ORC5: variants seen among roughly 807,000 people sequenced by gnomAD.
The protein encoded by ORC5 is protein phosphatase 1, regulatory subunit 117.
A neutral mutation model predicts 58.8 loss-of-function variants in ORC5; 39 were observed. The observed-to-expected ratio is 0.66, with a 90% CI of 0.51 to 0.87. ORC5 has a LOEUF of 0.87. Ranked by LOEUF, ORC5 falls within the 40% of genes least tolerant of loss-of-function variation. The pLI is 0.00. For synonymous variants in ORC5, 218 were observed against 177.6 expected (o/e 1.23, Z -1.81); for missense variants, 493 against 506.3 (o/e 0.97, Z 0.25).
chr7:104,136,783 TGCAATA>T lies in ORC5; in HGVS notation c.1254_1259del (p.Ile419_Ala420del), dbSNP rs1798595163. ...TTACATAATTCAAGACATTTTACCT[TGCAATA>T]GCTCTGATGAAGTCTAGAGACACTG... On this transcript the variant is annotated inframe_deletion, in exon 13 of 14. Transcript: ENST00000297431. The surrounding 1 kb of genome is among the most constrained non-coding windows in gnomAD (Gnocchi z 4.2). The T allele has an allele frequency of 6.3e-7, 1 of 1,597,352 alleles. No individual in the cohort carries two copies.
intron 12 of ORC5, among the ~76,000 whole-genome samples, chr7:104,141,004 G>T (rs924675977): frequency 1.3e-5 from 2 of 152,156 alleles, no homozygotes; most frequent in African/African-American, 4.8e-5. Context: ...GTAATGCCCA[G>T]ATGGTGCCAG....
chr7:104,138,651 T>C lies in ORC5; in HGVS notation c.1150-1758A>G, dbSNP rs1319305190. Among the ~76,000 whole-genome samples, 3 of 152,042 alleles carry C rather than the reference T, an allele frequency of 2.0e-5. No homozygotes were observed. The highest frequency in any genetic ancestry group is 1.9e-4 in the East Asian group (1 of 5,178). ...GCAGCCTCCTGAGTAGCTGGTACTA[T>C]AGGCACATGCCACCACACCCAGCTA... On this transcript the variant is annotated intron_variant, in intron 12 of 13. Coordinates refer to ENST00000297431, the MANE Select transcript of ORC5 (RefSeq NM_002553.4). This position sits in a 1 kb window ranked among gnomAD's most constrained non-coding sequence, Gnocchi z 4.7.
At chr7:104,167,428 T>G (rs567811744) in intron 9 of ORC5, among the ~76,000 whole-genome samples, 2 of 152,184 alleles carry the variant, frequency 1.3e-5, no homozygotes, top group African/African-American at 4.8e-5. Context: ...TCAGAAAATT[T>G]TGGAGCATTT....
intron 12 of ORC5, among the ~76,000 whole-genome samples, chr7:104,153,547 A>G (rs979078618): frequency 6.6e-6 from 1 of 152,176 alleles, no homozygotes; most frequent in Non-Finnish European, 1.5e-5. Context: ...CATTCAAGCT[A>G]TTTTCTATGA....
At chr7:104,158,981 A>G (rs1798977225) in intron 12 of ORC5, among the ~76,000 whole-genome samples, 1 of 110,100 alleles carries the variant, frequency 9.1e-6, no homozygotes, top group Non-Finnish European at 2.2e-5. Context: ...TCCTGGGTAT[A>G]TACCCAAAGG....
intron 13 of ORC5, among the ~76,000 whole-genome samples, chr7:104,132,794 A>G (rs1798532994): frequency 6.6e-6 from 1 of 152,178 alleles, no homozygotes; most frequent in African/African-American, 2.4e-5. Context: ...ACATATAATG[A>G]AGAACAAAAT....
intron 5 of ORC5, among the ~76,000 whole-genome samples, chr7:104,193,315 G>A (rs1799718531): frequency 6.6e-6 from 1 of 152,032 alleles, no homozygotes. Flanking sequence ...CAGTACAAAT[G>A]TTCTTAGGTA....
chr7:104,189,554 CATGACCA>C (rs1161422869), intron 5 of ORC5, among the ~76,000 whole-genome samples: 1 of 152,098 alleles, frequency 6.6e-6, no homozygotes, highest in Non-Finnish European at 1.5e-5. Flanking sequence ...AGACTGAATC[CATGACCA>C]ATGACCAATG....
intron 6 of ORC5, among the ~76,000 whole-genome samples, chr7:104,185,355 A>T (rs1382814706): frequency 6.6e-6 from 1 of 152,116 alleles, no homozygotes; most frequent in East Asian, 1.9e-4. Context: ...GCAGGGTAAA[A>T]ATGTGAACTT....
chr7:104,126,698 T>C lies in ORC5; in HGVS notation c.*150A>G. 1 of 590,614 alleles carries C rather than the reference T, an allele frequency of 1.7e-6. No homozygotes were observed. The highest frequency in any genetic ancestry group is 3.0e-6 in the Non-Finnish European group (1 of 333,730). The allele number at this position is 590,614 out of a possible 1,614,324, so 36.6% of individuals were successfully genotyped here. On this transcript the variant is annotated 3_prime_UTR_variant, in exon 14 of 14. Transcript: ENST00000297431. ...TCACATCCACCCAGACCAATCAGAA[T>C]ATTTTCATCAGATTCCATGCTGGGC...
chr7:104,168,260 T>C lies in ORC5; in HGVS notation c.877+213A>G, dbSNP rs188964481. 8.6e-5 allele frequency: 97 copies of C among 1,125,702 alleles called. 1 individual carries two copies. The East Asian group carries it at 1.9e-3, about 22-fold the overall frequency. 69.7% of individuals were successfully genotyped at this position (1,125,702 alleles called of 1,614,324 possible). A position where few individuals can be genotyped will look rare whatever the true frequency, so the allele number is the denominator to read the frequency against. On this transcript the variant is annotated intron_variant, in intron 9 of 13. Coordinates refer to ENST00000297431, the MANE Select transcript of ORC5 (RefSeq NM_002553.4). ...ATGATATAATCCAATATTTAGAAAA[T>C]AGAAAGCTGGTATTCAAACTTTTAT...
chr7:104,184,106 T>C lies in ORC5; in HGVS notation c.733+17A>G, dbSNP rs755221188. 6 of 1,589,530 alleles carry C rather than the reference T, an allele frequency of 3.8e-6. No homozygotes were observed. Among genetic ancestry groups the C allele is most frequent in the Non-Finnish European group, 4.3e-6 (5 of 1,161,962 alleles). Reference sequence around the variant, plus strand: ...CTTTCTCAAAATAAATATTAATGAGTAAAATTACACAGTTACCTTCTCCTT... The same window carrying C: ...CTTTCTCAAAATAAATATTAATGAGCAAAATTACACAGTTACCTTCTCCTT... On this transcript the variant is annotated intron_variant, in intron 7 of 13. Transcript: ENST00000297431.
chr7:104,205,846 C>CA (rs1351636393), intron 1 of ORC5, among the ~76,000 whole-genome samples: 2 of 152,018 alleles, frequency 1.3e-5, no homozygotes, highest in Middle Eastern at 3.2e-3. Context: ...CCCATCTCTA[C>CA]AAAAAACACA....
intron 2 of ORC5, chr7:104,202,370 A>G (rs1799966042): frequency 4.2e-6 from 1 of 239,782 alleles, no homozygotes; most frequent in African/African-American, 2.3e-5. Flanking sequence ...AGCCACATTA[A>G]ACTTACTTGG....
intron 1 of ORC5, 63 bp from the exon 2 acceptor site, chr7:104,204,297 C>A: frequency 1.0e-6 from 1 of 953,936 alleles, no homozygotes; most frequent in South Asian, 1.6e-5. Context: ...CACTTATCAA[C>A]TTGTGAGAAA....
chr7:104,162,987 A>G lies in ORC5; in HGVS notation c.1039-1805T>C, dbSNP rs144776090. 3.0e-4 allele frequency among the ~76,000 whole-genome samples: 46 copies of G among 152,324 alleles called. 1 individual carries two copies. Among genetic ancestry groups the G allele is most frequent in the African/African-American group, 1.1e-3 (46 of 41,584 alleles). On this transcript the variant is annotated intron_variant, in intron 11 of 13. Coordinates refer to ENST00000297431, the MANE Select transcript of ORC5 (RefSeq NM_002553.4). The stretch of plus-strand genomic sequence containing the variant: ...ACCTCTCTACCAATTGCTTTTTGAG[A>G]TTTATCCATATAGATACATGTAGCT...
At chr7:104,197,825 A>C in intron 3 of ORC5, 26 bp from the exon 4 acceptor site, 2 of 1,404,016 alleles carry the variant, frequency 1.4e-6, no homozygotes, top group Non-Finnish European at 2.0e-6. Flanking sequence ...AAACAAAACA[A>C]AAAGAAATGC....
At chr7:104,183,077 G>A (rs1189293010) in intron 8 of ORC5, among the ~76,000 whole-genome samples, 3 of 152,198 alleles carry the variant, frequency 2.0e-5, no homozygotes, top group African/African-American at 4.8e-5. Context: ...AGAGGTTGCA[G>A]TATGCCAAGA....
chr7:104,198,220 T>C (rs572383679), intron 3 of ORC5, among the ~76,000 whole-genome samples: 107 of 152,328 alleles, frequency 7.0e-4, no homozygotes, highest in African/African-American at 2.4e-3. Context: ...TAGTCTGTTA[T>C]AGCAACTGAG....
Sources: gnomAD v4.1 joint callset for allele counts (sites outside exome capture counted in the v4.1 genomes callset) on GRCh38, gnomAD v4.1.1 for gene constraint, Gnocchi (gnomAD v3.1) non-coding constraint, MANE v1.5 for transcripts, NCBI Gene and HGNC (gene_info 2026-07-23, HGNC 2026-07-21) for gene names.